The following FREM1 variants were observed in gnomAD, a reference collection of about 807,000 sequenced individuals.
The protein encoded by FREM1 is FRAS1 related extracellular matrix 1.
FREM1 carries 220 observed loss-of-function variants against 210.1 expected under a neutral mutation model. The ratio of observed to expected loss-of-function variants is 1.05; its 90% CI spans 0.94 to 1.17. The LOEUF is 1.17. FREM1 is among the 50% of genes most tolerant of loss of function. The pLI, the probability that FREM1 is intolerant of heterozygous loss-of-function variation, is 0.00. For synonymous variants in FREM1, 1,189 were observed against 980.2 expected (o/e 1.21, Z -3.98); for missense variants, 3,454 against 2,675.5 (o/e 1.29, Z -6.42).
intron 4 of FREM1, 64 bp from the exon 5 acceptor site, chr9:14,857,813 C>A: frequency 8.3e-7 from 1 of 1,200,484 alleles, no homozygotes; most frequent in Non-Finnish European, 1.2e-6. Flanking sequence ...ATTTAGAAAC[C>A]AGTACTCCGT....
intron 10 of FREM1, among the ~76,000 whole-genome samples, chr9:14,829,085 G>A (rs564305769): frequency 9.9e-5 from 15 of 152,232 alleles, no homozygotes; most frequent in East Asian, 9.6e-4. Context: ...TACTACATTC[G>A]TCTCTGTATC....
At chr9:14,903,777 A>G (rs1478518352) in intron 1 of FREM1, among the ~76,000 whole-genome samples, 4 of 152,184 alleles carry the variant, frequency 2.6e-5, no homozygotes, top group Non-Finnish European at 5.9e-5. Context: ...GTCTCATAAA[A>G]AACAAGAACA....
At chr9:14,891,133 T>A (rs941392098) in intron 1 of FREM1, among the ~76,000 whole-genome samples, 22 of 152,198 alleles carry the variant, frequency 1.4e-4, no homozygotes, top group Non-Finnish European at 8.8e-5. Context: ...ATTCTTCATT[T>A]CTTAATTTAC....
intron 29 of FREM1, among the ~76,000 whole-genome samples, 165 bp from the exon 30 acceptor site, chr9:14,750,441 G>A (rs1281880489): frequency 6.6e-6 from 1 of 152,032 alleles, no homozygotes; most frequent in African/African-American, 2.4e-5. Context: ...CAAATAATAT[G>A]AAAAGACCAC....
At position 14,823,344 on chromosome 9, in the gene FREM1, G is replaced by C; in HGVS notation, c.2170-17C>G. ...CACAGCATGCTGCAAAGTAAGTTGA[G>C]ATGGATATGTGGGTGCTGACTTGCA... On this transcript the variant is annotated splice_polypyrimidine_tract_variant and intron_variant, in intron 12 of 36. Transcript: ENST00000380880. 1 of 1,608,584 alleles carries C rather than the reference G, an allele frequency of 6.2e-7. No homozygotes were observed. Among genetic ancestry groups the C allele is most frequent in the Non-Finnish European group, 8.5e-7 (1 of 1,176,712 alleles).
At chr9:14,826,744 C>G (rs1822527562) in intron 10 of FREM1, among the ~76,000 whole-genome samples, 1 of 152,170 alleles carries the variant, frequency 6.6e-6, no homozygotes, top group Non-Finnish European at 1.5e-5. Flanking sequence ...CATGAATGAA[C>G]TTGTGCCTTA....
rs780178668 is a variant in FREM1 at position 14,775,831 on chromosome 9, C to T, written c.4815G>A (p.Val1605=). The T allele has an allele frequency of 6.2e-7, 1 of 1,613,170 alleles. No homozygotes were observed. Among genetic ancestry groups the T allele is most frequent in the African/African-American group, 1.3e-5 (1 of 74,838 alleles). ...CAGGTTCTTCCCACACTCTCCCATT[C>T]ACAATAAAGCCTTGGTTTGTCCCAT... The part of the protein sequence containing the change: ...ATDGTNQGFI[V]NGRVWEEPVL... The change falls in exon 25 of 37, where the codon GTG becomes GTA. Residue 1605 remains valine (V), a synonymous_variant. Transcript: ENST00000380880.
At position 14,789,008 on chromosome 9, in the gene FREM1, T is replaced by G; in HGVS notation, c.4088A>C (p.Asn1363Thr). The G allele has an allele frequency of 6.2e-7, 1 of 1,612,650 alleles. No individual in the cohort carries two copies. Among genetic ancestry groups the G allele is most frequent in the South Asian group, 1.1e-5 (1 of 90,590 alleles). Residue 1363 changes from asparagine to threonine, a missense_variant, in exon 23 of 37, where the codon AAT becomes ACT. Asn to Thr is a moderately conservative substitution (Grantham distance 65, BLOSUM62 0). Coordinates refer to ENST00000380880, the MANE Select transcript of FREM1 (RefSeq NM_001379081.2). ...AAGGTAGAAGGTGAAGCTATCTTGA[T>G]TCTGGGAATCCATTGCCCCGGTGTG... ...YTHTGAMDSQ[N>T]QDSFTFYLWD... is the part of the protein sequence containing the mutation.
chr9:14,796,189 G>T (rs999357803), intron 21 of FREM1, among the ~76,000 whole-genome samples: 1 of 152,140 alleles, frequency 6.6e-6, no homozygotes, highest in African/African-American at 2.4e-5. Context: ...ACTTGTTTGA[G>T]GCCCTCCTTT....
At chr9:14,820,706 T>A (rs1349294999) in intron 13 of FREM1, among the ~76,000 whole-genome samples, 2 of 152,208 alleles carry the variant, frequency 1.3e-5, no homozygotes, top group African/African-American at 2.4e-5. Flanking sequence ...CCTTCTATTC[T>A]TTAATCAACT....
At chr9:14,799,622 A>G (rs1477066795) in intron 20 of FREM1, among the ~76,000 whole-genome samples, 1 of 152,054 alleles carries the variant, frequency 6.6e-6, no homozygotes, top group Non-Finnish European at 1.5e-5. Context: ...TGAGAGTAAA[A>G]TTTGAATTAT....
Position 14,748,542 on chromosome 9 carries a change from G to A in FREM1, c.5655C>T (p.Thr1885=), listed in dbSNP as rs753886592. ...HLLPPGSSSS[T]TSGSFHLERR... is the part of the protein sequence containing the mutation. ...TTTCCAGATGAAAGGAACCAGAAGTGGTGGATGAGGAAGACCCTGGGGGCA... is the reference window on the plus strand; with the variant it reads ...TTTCCAGATGAAAGGAACCAGAAGTAGTGGATGAGGAAGACCCTGGGGGCA... The change falls in exon 31 of 37, where the codon ACC becomes ACT. Residue 1885 remains threonine (T), a synonymous_variant. Transcript: ENST00000380880. The A allele has an allele frequency of 2.7e-5, 44 of 1,613,692 alleles. No homozygotes were observed. The highest frequency in any genetic ancestry group is 3.4e-5 in the Non-Finnish European group (40 of 1,179,756).
At chr9:14,845,854 T>C in intron 8 of FREM1, 106 bp downstream of exon 8, 3 of 1,138,666 alleles carry the variant, frequency 2.6e-6, no homozygotes, top group South Asian at 1.4e-5. Flanking sequence ...GACAATTTCA[T>C]TGAGAAATTG....
chr9:14,751,641 CAGAGTG>C (rs1033179196), intron 29 of FREM1: 1 of 152,342 alleles, frequency 6.6e-6, no homozygotes, highest in Non-Finnish European at 1.5e-5. Flanking sequence ...GCCTGGGCAA[CAGAGTG>C]AGACCTTGTC....
intron 2 of FREM1, among the ~76,000 whole-genome samples, chr9:14,864,404 G>T (rs965918325): frequency 6.6e-6 from 1 of 151,934 alleles, no homozygotes; most frequent in Non-Finnish European, 1.5e-5. Context: ...ATTCAAAGAT[G>T]AAGCCACTGA....
chr9:14,844,553 C>T (rs1014765636), intron 8 of FREM1, among the ~76,000 whole-genome samples: 1 of 152,144 alleles, frequency 6.6e-6, no homozygotes, highest in Non-Finnish European at 1.5e-5. Flanking sequence ...ATGGCAGGTG[C>T]ACCCCATTAT....
chr9:14,799,931 A>G (rs1853207974), intron 20 of FREM1, among the ~76,000 whole-genome samples: 1 of 147,266 alleles, frequency 6.8e-6, no homozygotes, highest in Non-Finnish European at 1.5e-5. Flanking sequence ...ATATCTCCTA[A>G]TGCTATCCCT....
At chr9:14,863,227 G>C (rs952234691) in intron 3 of FREM1, among the ~76,000 whole-genome samples, 1 of 151,288 alleles carries the variant, frequency 6.6e-6, no homozygotes, top group African/African-American at 2.4e-5. Context: ...TGTAGTCCCA[G>C]CTACTCAGGA....
intron 16 of FREM1, among the ~76,000 whole-genome samples, chr9:14,811,287 T>C (rs1190975141): frequency 8.5e-5 from 13 of 152,242 alleles, no homozygotes; most frequent in Admixed American, 6.5e-4. Flanking sequence ...GCTGCTACAC[T>C]ACAGGAGATT....
Sources: allele counts gnomAD v4.1 joint callset (sites outside exome capture counted in the v4.1 genomes callset), GRCh38; gene constraint gnomAD v4.1.1; transcripts MANE v1.5; gene names NCBI Gene and HGNC (gene_info 2026-07-23, HGNC 2026-07-21).